PITPNM3: variants seen among roughly 807,000 people sequenced by gnomAD.
PITPNM3 encodes the protein PITPNM family member 3, also known as membrane-associated phosphatidylinositol transfer protein 3.
A neutral mutation model predicts 102.0 loss-of-function variants in PITPNM3; 26 were observed. That is an observed-to-expected ratio of 0.25 (90% CI 0.19 to 0.35). PITPNM3 has a LOEUF of 0.35. Ranked by LOEUF, PITPNM3 falls within the 10% of genes least tolerant of loss-of-function variation. The pLI is 1.00. For synonymous variants in PITPNM3, 578 were observed against 558.6 expected, an observed-to-expected ratio of 1.03 and a Z score of -0.49; for missense variants, 1,083 against 1,346.1, an observed-to-expected ratio of 0.80 and a Z score of 3.06.
rs772194476 is a variant in PITPNM3, at chr17:6,477,023, G to A, written c.1085+6C>T. 7 of 1,613,836 alleles carry A rather than the reference G, an allele frequency of 4.3e-6. No homozygotes were observed. The South Asian group carries it at 5.5e-5, about 13-fold the overall frequency. On this transcript the variant is annotated splice_donor_region_variant and intron_variant, in intron 9 of 19. Transcript: ENST00000262483. The stretch of plus-strand genomic sequence containing the variant: ...GTCTTCTTGCTTCTGGACAGGGAGG[G>A]GCTACCTTGAGAGGAAGGCATGGTG...
intron 1 of PITPNM3, among the ~76,000 whole-genome samples, chr17:6,554,078 G>C (rs1910464715): frequency 1.3e-5 from 2 of 152,082 alleles, no homozygotes. Flanking sequence ...CATCACTTTG[G>C]GAGGCTGAGG....
chr17:6,473,039 C>T (rs910573073), intron 10 of PITPNM3: 1 of 606,398 alleles, frequency 1.6e-6, no homozygotes, highest in Non-Finnish European at 2.9e-6. Context: ...AGCCGTGCTG[C>T]ACAGCTGCCC....
At chr17:6,501,608 A>C (rs561157414) in intron 4 of PITPNM3, among the ~76,000 whole-genome samples, 13 of 151,624 alleles carry the variant, frequency 8.6e-5, no homozygotes, top group African/African-American at 3.1e-4. Context: ...TCCAGAGAAA[A>C]AACCAACAAG....
At chr17:6,555,395 C>G (rs1347902145) in intron 1 of PITPNM3, among the ~76,000 whole-genome samples, 1 of 152,226 alleles carries the variant, frequency 6.6e-6, no homozygotes, top group Admixed American at 6.5e-5. Context: ...ACTGTCGCGC[C>G]CGGTCCTGGG....
intron 4 of PITPNM3, among the ~76,000 whole-genome samples, chr17:6,490,599 C>T (rs992567387): frequency 3.9e-5 from 6 of 152,050 alleles, no homozygotes; most frequent in African/African-American, 9.7e-5. Context: ...AGGGGCTTGG[C>T]GTTGATTCCT....
At chr17:6,467,981 A>C (rs759668852) in intron 14 of PITPNM3, among the ~76,000 whole-genome samples, 70 of 152,238 alleles carry the variant, frequency 4.6e-4, no homozygotes, top group Non-Finnish European at 8.2e-4. Context: ...CTCCTCACCA[A>C]CCCTAGTGTC....
At chr17:6,513,507 A>C (rs188394625) in intron 3 of PITPNM3, among the ~76,000 whole-genome samples, 1 of 152,246 alleles carries the variant, frequency 6.6e-6, no homozygotes, top group African/African-American at 2.4e-5. Context: ...CACTTGCAAT[A>C]AACAGTCTGA....
In PITPNM3 at chr17:6,472,867, T is replaced by G. The variant is rs201232583; in HGVS notation, c.1259-40A>C. ...AAGACAGAGGGAAGCCACTTTCTAG[T>G]ACCTGCTCCCTGGGCCCTAGGAGGC... On this transcript the variant is annotated intron_variant, in intron 10 of 19. Transcript: ENST00000262483. This position sits in a 1 kb window ranked among gnomAD's most constrained non-coding sequence, Gnocchi z 4.1. 3 of 1,609,192 alleles carry G rather than the reference T, an allele frequency of 1.9e-6. No homozygotes were observed. The South Asian group carries it at 3.3e-5, about 18-fold the overall frequency.
chr17:6,451,892 C>CCCCAGGGG lies in PITPNM3; in HGVS notation c.*3445_*3446insCCCCTGGG, dbSNP rs55984944. On this transcript the variant is annotated 3_prime_UTR_variant, in exon 20 of 20. Coordinates refer to ENST00000262483, the MANE Select transcript of PITPNM3 (RefSeq NM_031220.4). Reference sequence around the variant, plus strand: ...ACCCAAACCCCCCCCCCCCGCCCGCCGATGGGATTCGGTGGGAAAGTTGGT... The same window carrying CCCCAGGGG: ...ACCCAAACCCCCCCCCCCCGCCCGCCCCCAGGGGGATGGGATTCGGTGGGAAAGTTGGT... The CCCCAGGGG allele has an allele frequency of 1.1e-5, 1 of 94,522 alleles. No individual in the cohort carries two copies. The highest frequency in any genetic ancestry group is 2.2e-5 in the Non-Finnish European group (1 of 46,060). 5.9% of individuals were successfully genotyped at this position (94,522 alleles called of 1,614,324 possible). A position where few individuals can be genotyped will look rare whatever the true frequency, so the allele number is the denominator to read the frequency against.
At chr17:6,527,270 C>T (rs1183500565) in intron 2 of PITPNM3, among the ~76,000 whole-genome samples, 3 of 152,214 alleles carry the variant, frequency 2.0e-5, no homozygotes, top group Non-Finnish European at 4.4e-5. Flanking sequence ...GCTCAATTCT[C>T]ATGTTAGATT....
chr17:6,551,361 C>CA (rs111999207), intron 1 of PITPNM3, among the ~76,000 whole-genome samples: 3,393 of 137,744 alleles, frequency 0.025, 52 homozygotes, highest in African/African-American at 0.049. Flanking sequence ...GACTCCATCT[C>CA]AAAAAAAAAA....
At chr17:6,552,347 G>A (rs1176328086) in intron 1 of PITPNM3, among the ~76,000 whole-genome samples, 1 of 152,126 alleles carries the variant, frequency 6.6e-6, no homozygotes, top group African/African-American at 2.4e-5. Context: ...TGGGAGAGAG[G>A]GGCAGCCTGT....
rs1030571068 is a variant in PITPNM3, at chr17:6,468,748, A to T, written c.1774-407T>A. ...CTCCCAATCCCGCAGAGCTGATTAG[A>T]CTCCCTCCGCTAGATCACTCTCCTT... On this transcript the variant is annotated intron_variant, in intron 13 of 19. Transcript: ENST00000262483. This position sits in a 1 kb window ranked among gnomAD's most constrained non-coding sequence, Gnocchi z 5.2. Among the ~76,000 whole-genome samples, 2 of 151,690 alleles carry T rather than the reference A, an allele frequency of 1.3e-5. No individual in the cohort carries two copies. The highest frequency in any genetic ancestry group is 2.9e-5 in the Non-Finnish European group (2 of 67,950).
rs1212415588 is a variant in PITPNM3 at position 6,461,387 on chromosome 17, T to C, written c.2476A>G (p.Asn826Asp). The C allele has an allele frequency of 1.2e-6, 2 of 1,614,076 alleles. No individual in the cohort carries two copies. The highest frequency in any genetic ancestry group is 1.7e-6 in the Non-Finnish European group (2 of 1,180,020). ...TGGCCACTCACCTCCTGCATGAGGT[T>C]GCGCAGGAAGATGGCCTTCTGCCGC... is the stretch of plus-strand genomic sequence containing the variant. ...PLRQKAIFLRNLMQECFIKIS... is the reference protein window; with the variant it reads ...PLRQKAIFLRDLMQECFIKIS... The change falls in exon 18 of 20, where the codon AAC (asparagine) becomes GAC (aspartate). Residue 826 changes from asparagine to aspartate, a missense_variant. Coordinates refer to ENST00000262483, the MANE Select transcript of PITPNM3 (RefSeq NM_031220.4).
chr17:6,477,164 C>G lies in PITPNM3; in HGVS notation c.950G>C (p.Arg317Pro). The change falls in exon 9 of 20, where the codon CGT (arginine) becomes CCT (proline). Residue 317 changes from arginine (R) to proline (P), a missense_variant. Coordinates refer to ENST00000262483, the MANE Select transcript of PITPNM3 (RefSeq NM_031220.4). Reference sequence around the variant, plus strand: ...GATGTCAATGTTGCTTTTGCTGAGACGCTTGCTGCTGGCCAGGCTGCAATC... The same window carrying G: ...GATGTCAATGTTGCTTTTGCTGAGAGGCTTGCTGCTGGCCAGGCTGCAATC... ...EEDCSLASSK[R>P]LSKSNIDISS... is the part of the protein sequence containing the mutation. 6.2e-7 allele frequency: 1 copy of G among 1,614,188 alleles called. No homozygotes were observed. The highest frequency in any genetic ancestry group is 8.5e-7 in the Non-Finnish European group (1 of 1,180,038).
chr17:6,554,703 T>A (rs565711196), intron 1 of PITPNM3, among the ~76,000 whole-genome samples: 103 of 152,230 alleles, frequency 6.8e-4, no homozygotes, highest in Non-Finnish European at 1.2e-3. Flanking sequence ...ATCAGGGCAG[T>A]GACAGAGAGA....
chr17:6,548,313 G>A (rs193183498), intron 1 of PITPNM3, among the ~76,000 whole-genome samples: 2 of 152,318 alleles, frequency 1.3e-5, no homozygotes, highest in Admixed American at 1.3e-4. Context: ...AGCCCCAGAG[G>A]CGGAGCTCTC....
At chr17:6,473,358 C>T (rs538759343) in intron 10 of PITPNM3, 3 of 206,792 alleles carry the variant, frequency 1.5e-5, no homozygotes, top group South Asian at 1.7e-4. Flanking sequence ...TCCACCTCAT[C>T]GGCGGGCCTC....
chr17:6,487,223 T>C (rs1008863456), intron 4 of PITPNM3, among the ~76,000 whole-genome samples: 1 of 152,188 alleles, frequency 6.6e-6, no homozygotes, highest in Non-Finnish European at 1.5e-5. Context: ...ATCTTGGCTC[T>C]TATCAGCTGT....
Sources: gnomAD v4.1 joint callset for allele counts (sites outside exome capture counted in the v4.1 genomes callset) on GRCh38, gnomAD v4.1.1 for gene constraint, Gnocchi (gnomAD v3.1) non-coding constraint, MANE v1.5 for transcripts, NCBI Gene and HGNC (gene_info 2026-07-23, HGNC 2026-07-21) for gene names.